The following SCP2 variants were observed in gnomAD, a reference collection of about 807,000 sequenced individuals.
SCP2 encodes sterol carrier protein 2, also known as SCP-2/3-oxoacyl-CoA thiolase.
In SCP2, 48 loss-of-function variants were observed where a neutral mutation model predicts 71.4. That is an observed-to-expected ratio of 0.67 (90% confidence interval 0.53 to 0.86). The LOEUF (loss-of-function observed/expected upper bound fraction) is 0.86. SCP2 is among the 40% of genes least tolerant of loss of function. The pLI is 0.00. For missense variants in SCP2, 560 were observed against 655.6 expected, an observed-to-expected ratio of 0.85 and a Z score of 1.59; for synonymous variants, 220 against 218.1, an observed-to-expected ratio of 1.01 and a Z score of -0.08.
intron 11 of SCP2, among the ~76,000 whole-genome samples, chr1:52,992,658 T>C (rs1659603252): frequency 6.6e-6 from 1 of 152,226 alleles, no homozygotes; most frequent in Non-Finnish European, 1.5e-5. Flanking sequence ...TTTGGTATTT[T>C]GGCCACCAGA....
At chr1:53,006,638 A>G (rs932455536) in intron 11 of SCP2, among the ~76,000 whole-genome samples, 6 of 152,220 alleles carry the variant, frequency 3.9e-5, no homozygotes, top group African/African-American at 1.4e-4. Flanking sequence ...AGTACTAAAC[A>G]TGGAAAGGAA....
Position 53,006,191 on chromosome 1 carries a change from T to C in SCP2, c.1082-8699T>C, listed in dbSNP as rs529427678. Among the ~76,000 whole-genome samples the C allele has an allele frequency of 2.0e-5, 3 of 152,142 alleles. No homozygotes were observed. The East Asian group carries it at 5.8e-4, about 29-fold the overall frequency. On this transcript the variant is annotated intron_variant, in intron 11 of 15. Coordinates refer to ENST00000371514, the MANE Select transcript of SCP2 (RefSeq NM_002979.5). ...AAGTGAGGGGGAGAATGGAACCAAGTTGGAAAACACTCTTCAGGATATTAT... is the reference window on the plus strand; with the variant it reads ...AAGTGAGGGGGAGAATGGAACCAAGCTGGAAAACACTCTTCAGGATATTAT...
At chr1:53,007,959 A>C (rs553461002) in intron 11 of SCP2, among the ~76,000 whole-genome samples, 24 of 152,234 alleles carry the variant, frequency 1.6e-4, no homozygotes, top group African/African-American at 5.3e-4. Flanking sequence ...CACCACCGAT[A>C]CCACAGAAAT....
chr1:52,960,476 G>A (rs6661115), intron 5 of SCP2, among the ~76,000 whole-genome samples: 60,478 of 128,252 alleles, frequency 0.47, 13,022 homozygotes, highest in East Asian at 0.78. Flanking sequence ...TGGCTACTAT[G>A]TATATGTGTG....
intron 2 of SCP2, among the ~76,000 whole-genome samples, chr1:52,946,209 A>G (rs947557178): frequency 1.8e-4 from 27 of 151,516 alleles, no homozygotes; most frequent in African/African-American, 6.5e-4. Flanking sequence ...GATTACAGGC[A>G]TGAGCCACTA....
At chr1:53,000,299 T>G (rs932660870) in intron 11 of SCP2, among the ~76,000 whole-genome samples, 2 of 152,064 alleles carry the variant, frequency 1.3e-5, no homozygotes, top group African/African-American at 4.8e-5. Flanking sequence ...TGGCTTTAGT[T>G]TATTCTTAGC....
At chr1:52,931,653 C>A (rs1346428512) in intron 1 of SCP2, among the ~76,000 whole-genome samples, 1 of 152,224 alleles carries the variant, frequency 6.6e-6, no homozygotes, top group Non-Finnish European at 1.5e-5. Context: ...GCTACTCCAT[C>A]ATCTTGTGGT....
At chr1:53,049,307 C>T (rs1192989337) in intron 15 of SCP2, 2 of 152,226 alleles carry the variant, frequency 1.3e-5, no homozygotes, top group Non-Finnish European at 2.9e-5. Flanking sequence ...TATTTTCCTT[C>T]AGCACCTGTT....
At chr1:53,021,770 G>A (rs1332131422) in intron 12 of SCP2, among the ~76,000 whole-genome samples, 2 of 150,564 alleles carry the variant, frequency 1.3e-5, no homozygotes, top group African/African-American at 4.9e-5. Context: ...TCAGACTCCC[G>A]AGTAGCTGGG....
At chr1:53,004,274 G>A (rs761144632) in intron 11 of SCP2, among the ~76,000 whole-genome samples, 1 of 152,132 alleles carries the variant, frequency 6.6e-6, no homozygotes, top group African/African-American at 2.4e-5. Flanking sequence ...GACTGTAATC[G>A]ACTGAGGGTA....
intron 7 of SCP2, among the ~76,000 whole-genome samples, chr1:52,976,204 G>C (rs889526466): frequency 6.6e-6 from 1 of 152,076 alleles, no homozygotes; most frequent in Non-Finnish European, 1.5e-5. Flanking sequence ...ACCATGTCCA[G>C]ATTTTTTACT....
intron 11 of SCP2, chr1:52,994,821 C>T: frequency 1.9e-6 from 1 of 521,400 alleles, no homozygotes; most frequent in East Asian, 4.9e-5. Flanking sequence ...AAATCGACCC[C>T]ACCAGCACCT....
intron 13 of SCP2, among the ~76,000 whole-genome samples, chr1:53,036,177 A>G (rs1662937607): frequency 6.6e-6 from 1 of 150,594 alleles, no homozygotes; most frequent in Non-Finnish European, 1.5e-5. Flanking sequence ...ATTATTAGTG[A>G]CACAGTAATT....
chr1:53,041,807 A>C (rs187929405), intron 14 of SCP2, among the ~76,000 whole-genome samples: 79 of 152,326 alleles, frequency 5.2e-4, no homozygotes, highest in Non-Finnish European at 9.3e-4. Context: ...CCTGTAGGAA[A>C]GGATGACATC....
chr1:53,027,334 G>A (rs768320077), intron 12 of SCP2, among the ~76,000 whole-genome samples: 7 of 151,632 alleles, frequency 4.6e-5, no homozygotes, highest in Non-Finnish European at 7.4e-5. Flanking sequence ...GATTACAGGT[G>A]TGAGCCACTG....
rs1282234172 is a variant in SCP2, at chr1:53,021,641, CTTTCTTTT to C, written c.1236-6324_1236-6317del. On this transcript the variant is annotated intron_variant, in intron 12 of 15. Coordinates refer to ENST00000371514, the MANE Select transcript of SCP2 (RefSeq NM_002979.5). ...GGGCTTTTTCTTTCCTTTTCTTTTTCTTTCTTTTTTTTTTTTTTTTTGGGACAGAGTCT... is the reference window on the plus strand; with the variant it reads ...GGGCTTTTTCTTTCCTTTTCTTTTTCTTTTTTTTTTTTTGGGACAGAGTCT... Among the ~76,000 whole-genome samples, 7 of 140,110 alleles carry C rather than the reference CTTTCTTTT, an allele frequency of 5.0e-5. No homozygotes were observed. In the East Asian group the frequency reaches 1.3e-3, roughly 25 times the overall value. The allele number at this position is 140,110 out of a possible 152,430, so 91.9% of individuals were successfully genotyped here.
intron 7 of SCP2, 45 bp from the exon 8 acceptor site, chr1:52,976,638 A>G (rs762285124): frequency 2.2e-5 from 21 of 951,228 alleles, no homozygotes. Context: ...CAAAAATTAC[A>G]GTTGCTATCT....
intron 1 of SCP2, among the ~76,000 whole-genome samples, chr1:52,939,895 C>T (rs1220767265): frequency 6.6e-6 from 1 of 151,866 alleles, no homozygotes; most frequent in African/African-American, 2.4e-5. Flanking sequence ...GTCTCGAATT[C>T]CTGACCTCAA....
chr1:53,045,783 G>A (rs539028017), intron 14 of SCP2, among the ~76,000 whole-genome samples: 2 of 152,260 alleles, frequency 1.3e-5, no homozygotes, highest in East Asian at 3.9e-4. Context: ...GCATACAGTT[G>A]TGTAACTATC....
Sources: gnomAD v4.1 joint callset for allele counts (sites outside exome capture counted in the v4.1 genomes callset) on GRCh38, gnomAD v4.1.1 for gene constraint, MANE v1.5 for transcripts, NCBI Gene and HGNC (gene_info 2026-07-23, HGNC 2026-07-21) for gene names.